The following CYP2E1 variants were observed in gnomAD, a reference collection of about 807,000 sequenced individuals.
The protein encoded by CYP2E1 is cytochrome P450 2E1.
A neutral mutation model predicts 42.9 loss-of-function variants in CYP2E1; 31 were observed. The ratio of observed to expected loss-of-function variants is 0.72; its 90% CI spans 0.54 to 0.98. CYP2E1 has a LOEUF of 0.98. Among genes scored for constraint, CYP2E1 ranks in the 50% least tolerant of loss-of-function variants. The pLI, the probability that CYP2E1 is intolerant of heterozygous loss-of-function variation, is 0.00. For missense variants in CYP2E1, 565 were observed against 633.2 expected (o/e 0.89, Z 1.16); for synonymous variants, 244 against 248.9 (o/e 0.98, Z 0.19).
rs775913961 is a variant in CYP2E1 at position 133,533,746 on chromosome 10, G to A, written c.826-10G>A. 5.5e-5 allele frequency: 89 copies of A among 1,613,488 alleles called. No individual in the cohort carries two copies. Among genetic ancestry groups the A allele is most frequent in the Non-Finnish European group, 6.9e-5 (81 of 1,179,776 alleles). On this transcript the variant is annotated splice_polypyrimidine_tract_variant and intron_variant, in intron 5 of 8. Transcript: ENST00000252945. ...GCCCCTTCTCCTCCGGTCTGTCTCC[G>A]GTATCACAGGAAAAGCACAGTGCAG... is the stretch of plus-strand genomic sequence containing the variant.
chr10:133,537,611 T>A, intron 7 of CYP2E1, 140 bp from the exon 8 acceptor site: 2 of 726,714 alleles, frequency 2.8e-6, no homozygotes, highest in South Asian at 3.9e-5. Flanking sequence ...ATCTAATCCT[T>A]CACTAAGCAA....
chr10:133,538,414 C>A lies in CYP2E1; in HGVS notation c.1298-366C>A, dbSNP rs376952353. On this transcript the variant is annotated intron_variant, in intron 8 of 8. Coordinates refer to ENST00000252945, the MANE Select transcript of CYP2E1 (RefSeq NM_000773.4). ...TACAACCAACTCCATACTTTTCACA[C>A]CCAGTGCTGGAGCCCCAGCTTCTAA... Among the ~76,000 whole-genome samples, 18 of 152,246 alleles carry A rather than the reference C, an allele frequency of 1.2e-4. No individual in the cohort carries two copies. In the South Asian group the frequency reaches 3.7e-3, roughly 32 times the overall value.
chr10:133,532,404 G>A (rs1436341025), intron 4 of CYP2E1, 120 bp downstream of exon 4: 2 of 1,025,428 alleles, frequency 2.0e-6, no homozygotes, highest in Admixed American at 2.4e-5. Flanking sequence ...TAGCTTCGAG[G>A]GGTGTTTGAT....
chr10:133,528,984 C>T (rs8192768), intron 2 of CYP2E1, among the ~76,000 whole-genome samples: 29 of 152,306 alleles, frequency 1.9e-4, no homozygotes, highest in African/African-American at 4.8e-4. Context: ...GTTCAACCGC[C>T]GGGGTACAGG....
Position 133,531,650 on chromosome 10 carries a change from A to G in CYP2E1, c.403A>G (p.Asn135Asp). The G allele has an allele frequency of 6.2e-7, 1 of 1,613,934 alleles. No homozygotes were observed. The highest frequency in any genetic ancestry group is 8.5e-7 in the Non-Finnish European group (1 of 1,179,930). ...IRRFSLTTLRNYGMGKQGNES... is the reference protein window; with the variant it reads ...IRRFSLTTLRDYGMGKQGNES... ...GCGGTTTTCCCTGACCACCCTCCGG[A>G]ACTATGGGATGGGGAAACAGGGCAA... The change falls in exon 3 of 9, where the codon AAC (asparagine) becomes GAC (aspartate). Residue 135 changes from asparagine (N) to aspartate (D), a missense_variant. Asn to Asp is a conservative substitution (Grantham distance 23). Transcript: ENST00000252945.
rs534573805 is a variant in CYP2E1 at position 133,527,797 on chromosome 10, C to T, written c.177+225C>T. Among the ~76,000 whole-genome samples, 4 of 152,308 alleles carry T rather than the reference C, an allele frequency of 2.6e-5. No homozygotes were observed. The South Asian group carries it at 8.3e-4, about 32-fold the overall frequency. The stretch of plus-strand genomic sequence containing the variant: ...CCGGAGGCCCCCGCCGGTGCCTTGT[C>T]CTGGGGCTGATGATGGGGAGGCCGG... On this transcript the variant is annotated intron_variant, in intron 1 of 8. Transcript: ENST00000252945.
At chr10:133,531,511 C>T in intron 2 of CYP2E1, 74 bp from the exon 3 acceptor site, 2 of 1,553,460 alleles carry the variant, frequency 1.3e-6, no homozygotes, top group Non-Finnish European at 1.8e-6. Flanking sequence ...GCCCTGCTCT[C>T]CAAGGCCCTC....
Position 133,527,465 on chromosome 10 carries a change from A to G in CYP2E1, c.70A>G (p.Arg24Gly). The change falls in exon 1 of 9, where the codon AGG (arginine) becomes GGG (glycine). Residue 24 changes from arginine to glycine, a missense_variant. By Grantham distance (125) the Arg-to-Gly change is moderately radical. Transcript: ENST00000252945. ...CTTCCTCCTGCTGGTGTCCATGTGGAGGCAGGTGCACAGCAGCTGGAATCT... is the reference window on the plus strand; with the variant it reads ...CTTCCTCCTGCTGGTGTCCATGTGGGGGCAGGTGCACAGCAGCTGGAATCT... ...AAFLLLVSMW[R>G]QVHSSWNLPP... is the part of the protein sequence containing the mutation. 6.2e-7 allele frequency: 1 copy of G among 1,613,640 alleles called. No homozygotes were observed. The highest frequency in any genetic ancestry group is 1.3e-5 in the African/African-American group (1 of 75,002).
chr10:133,537,414 G>C, intron 7 of CYP2E1, 164 bp downstream of exon 7: 1 of 695,008 alleles, frequency 1.4e-6, no homozygotes, highest in East Asian at 2.7e-5. Flanking sequence ...GCATCTCCAG[G>C]AGTGCTCACA....
Position 133,537,882 on chromosome 10 carries a change from A to G in CYP2E1, c.1287A>G (p.Pro429=), listed in dbSNP as rs1332067273. The change falls in exon 8 of 9, where the codon CCA becomes CCG. Residue 429 remains proline (P), a synonymous_variant. Transcript: ENST00000252945. The part of the protein sequence containing the change: ...GKFKYSDYFK[P]FSTGKRVCAG... ...TCAAGTACAGTGACTATTTCAAGCCATTTTCCACAGGTGAGAAAGATCAGA... is the reference window on the plus strand; with the variant it reads ...TCAAGTACAGTGACTATTTCAAGCCGTTTTCCACAGGTGAGAAAGATCAGA... 6.2e-7 allele frequency: 1 copy of G among 1,613,642 alleles called. No homozygotes were observed. The highest frequency in any genetic ancestry group is 8.5e-7 in the Non-Finnish European group (1 of 1,179,784).
chr10:133,529,254 C>G (rs1851309434), intron 2 of CYP2E1, among the ~76,000 whole-genome samples: 1 of 152,226 alleles, frequency 6.6e-6, no homozygotes, highest in South Asian at 2.1e-4. Context: ...GCGGCCTGTT[C>G]CCTCTCTAGG....
Position 133,527,498 on chromosome 10 carries a change from G to A in CYP2E1, c.103G>A (p.Gly35Ser). The change falls in exon 1 of 9, where the codon GGC (glycine) becomes AGC (serine). Residue 35 changes from glycine to serine, a missense_variant. Transcript: ENST00000252945. ...QVHSSWNLPPGPFPLPIIGNL... is the reference protein window; with the variant it reads ...QVHSSWNLPPSPFPLPIIGNL... ...GCACAGCAGCTGGAATCTGCCCCCA[G>A]GCCCTTTCCCGCTTCCCATCATCGG... 1 of 1,613,656 alleles carries A rather than the reference G, an allele frequency of 6.2e-7. No individual in the cohort carries two copies.
intron 2 of CYP2E1, 54 bp from the exon 3 acceptor site, chr10:133,531,530 AT>A: frequency 1.2e-6 from 2 of 1,605,114 alleles, no homozygotes; most frequent in East Asian, 2.2e-5. Flanking sequence ...TCTGTAGCCC[AT>A]TTCTCCCCAA....
At chr10:133,537,582 T>G (rs1851420995) in intron 7 of CYP2E1, 169 bp from the exon 8 acceptor site, 6 of 631,034 alleles carry the variant, frequency 9.5e-6, no homozygotes, top group African/African-American at 1.8e-5. Context: ...CATTTAGACC[T>G]GACCCCTGAC....
rs759788484 is a variant in CYP2E1, at chr10:133,537,732, C to T, written c.1156-19C>T. ...ATTTTGTTAACATGACTCACTGAGA[C>T]AGTCTTTGTTTCTCCTAGGGCACAG... On this transcript the variant is annotated intron_variant, in intron 7 of 8. Transcript: ENST00000252945. 1 of 1,604,204 alleles carries T rather than the reference C, an allele frequency of 6.2e-7. No individual in the cohort carries two copies. Among genetic ancestry groups the T allele is most frequent in the Admixed American group, 1.7e-5 (1 of 57,902 alleles).
chr10:133,531,968 G>A (rs765294760), intron 3 of CYP2E1, 156 bp from the exon 4 acceptor site: 42 of 810,054 alleles, frequency 5.2e-5, no homozygotes, highest in Middle Eastern at 4.6e-4. Flanking sequence ...AAAAGCAAAG[G>A]AAACTCAAAC....
At chr10:133,537,326 TG>T (rs1219977788) in intron 7 of CYP2E1, 76 bp downstream of exon 7, 8 of 1,513,458 alleles carry the variant, frequency 5.3e-6, no homozygotes, top group Admixed American at 1.8e-5. Context: ...GGGAGCAGGA[TG>T]GGGGCCCCAA....
chr10:133,527,824 G>A (rs1024151244), intron 1 of CYP2E1, among the ~76,000 whole-genome samples: 1 of 152,184 alleles, frequency 6.6e-6, no homozygotes, highest in African/African-American at 2.4e-5. Flanking sequence ...GGAGGCCGGC[G>A]AGGCCGGGCT....
At position 133,537,973 on chromosome 10, in the gene CYP2E1, G is replaced by A. The variant is rs193198519; in HGVS notation, c.1297+81G>A. 1,397 of 1,443,574 alleles carry A rather than the reference G, an allele frequency of 9.7e-4. 11 individuals are homozygous for A. The highest frequency in any genetic ancestry group is 1.1e-3 in the Admixed American group (54 of 48,494). The allele number at this position is 1,443,574 out of a possible 1,614,324, so 89.4% of individuals were successfully genotyped here. On this transcript the variant is annotated intron_variant, in intron 8 of 8. Coordinates refer to ENST00000252945, the MANE Select transcript of CYP2E1 (RefSeq NM_000773.4). The stretch of plus-strand genomic sequence containing the variant: ...TCCCCTCCACATGTGCTCTGCCCTC[G>A]TCCCAGGCACCCACTGACACCCCAA...
Sources: gnomAD v4.1 joint callset for allele counts (sites outside exome capture counted in the v4.1 genomes callset) on GRCh38, gnomAD v4.1.1 for gene constraint, MANE v1.5 for transcripts, NCBI Gene and HGNC (gene_info 2026-07-23, HGNC 2026-07-21) for gene names.